The following ME1 variants were observed in gnomAD, a reference collection of about 807,000 sequenced individuals.
ME1 encodes NADP-dependent malic enzyme.
Under a neutral mutation model 66.4 loss-of-function variants are expected in ME1, and 74 were observed. The ratio of observed to expected loss-of-function variants is 1.11; its 90% CI spans 0.92 to 1.35. The LOEUF (loss-of-function observed/expected upper bound fraction) is 1.35. ME1 is among the 40% of genes most tolerant of loss of function. The probability of loss-of-function intolerance (pLI) is 0.00; values close to 1 mark genes in which losing one functional copy is unlikely to be tolerated. For synonymous variants in ME1, 251 were observed against 235.6 expected, an observed-to-expected ratio of 1.07 and a Z score of -0.60; for missense variants, 750 against 694.1, an observed-to-expected ratio of 1.08 and a Z score of -0.90.
chr6:83,351,553 T>C (rs1768803427), intron 4 of ME1, among the ~76,000 whole-genome samples: 1 of 152,128 alleles, frequency 6.6e-6, no homozygotes, highest in Non-Finnish European at 1.5e-5. Flanking sequence ...CCTCAATCAA[T>C]TATTATTATT....
At chr6:83,280,623 T>G (rs1345596087) in intron 6 of ME1, among the ~76,000 whole-genome samples, 1 of 152,238 alleles carries the variant, frequency 6.6e-6, no homozygotes, top group Non-Finnish European at 1.5e-5. Context: ...TTGTCTCCAC[T>G]AACTGCTCCT....
chr6:83,316,997 G>C (rs1768048240), intron 5 of ME1, among the ~76,000 whole-genome samples: 1 of 151,962 alleles, frequency 6.6e-6, no homozygotes, highest in Non-Finnish European at 1.5e-5. Context: ...CAGTAACCTA[G>C]AATAGAGAAA....
chr6:83,424,305 T>C (rs1256763002), intron 1 of ME1, among the ~76,000 whole-genome samples: 1 of 152,100 alleles, frequency 6.6e-6, no homozygotes, highest in Non-Finnish European at 1.5e-5. Flanking sequence ...AAGTTCGGTA[T>C]GTGTATCATA....
intron 6 of ME1, among the ~76,000 whole-genome samples, chr6:83,277,038 T>C (rs977146617): frequency 2.0e-5 from 3 of 152,338 alleles, no homozygotes; most frequent in African/African-American, 7.2e-5. Context: ...CAGACAGCCA[T>C]CTGTATTGAA....
chr6:83,213,197 G>A (rs141235410), intron 13 of ME1, among the ~76,000 whole-genome samples: 8,984 of 151,598 alleles, frequency 0.059, 751 homozygotes, highest in African/African-American at 0.19. Context: ...GGCCGAGGCA[G>A]GTGGATCACC....
At chr6:83,252,967 G>A (rs1361280998) in intron 7 of ME1, among the ~76,000 whole-genome samples, 2 of 152,180 alleles carry the variant, frequency 1.3e-5, no homozygotes, top group Non-Finnish European at 2.9e-5. Flanking sequence ...ATTGGAATTA[G>A]TGAAATGGAA....
chr6:83,408,251 G>C (rs1056264160), intron 1 of ME1, among the ~76,000 whole-genome samples: 1 of 152,278 alleles, frequency 6.6e-6, no homozygotes, highest in African/African-American at 2.4e-5. Context: ...TATTAGAAGA[G>C]ATTTTAAAAT....
At chr6:83,402,456 C>T (rs990545540) in intron 2 of ME1, among the ~76,000 whole-genome samples, 4 of 152,070 alleles carry the variant, frequency 2.6e-5, no homozygotes, top group Admixed American at 2.0e-4. Context: ...TCAAGAAACA[C>T]AATAATAAAC....
intron 3 of ME1, among the ~76,000 whole-genome samples, chr6:83,379,589 G>T (rs1220859389): frequency 6.6e-5 from 10 of 151,876 alleles, no homozygotes; most frequent in Admixed American, 6.6e-4. Flanking sequence ...CTTCATTAAT[G>T]ATATTTATAA....
chr6:83,355,731 T>C (rs887783291), intron 3 of ME1, among the ~76,000 whole-genome samples: 21 of 152,280 alleles, frequency 1.4e-4, no homozygotes, highest in African/African-American at 5.1e-4. Context: ...ACTCATACTT[T>C]CTGGTACACA....
chr6:83,420,806 A>G (rs1770249378), intron 1 of ME1, among the ~76,000 whole-genome samples: 1 of 152,248 alleles, frequency 6.6e-6, no homozygotes, highest in Non-Finnish European at 1.5e-5. Context: ...CTATGTTGAA[A>G]GATAAATCTA....
chr6:83,350,277 G>T (rs1768773465), intron 4 of ME1, among the ~76,000 whole-genome samples: 1 of 152,128 alleles, frequency 6.6e-6, no homozygotes, highest in East Asian at 1.9e-4. Flanking sequence ...CATCAGTAAG[G>T]GCCCAATATT....
In ME1 at chr6:83,430,922, G is replaced by C; in HGVS notation, c.33C>G (p.Thr11=). Residue 11 remains threonine (T), a synonymous_variant, in exon 1 of 14, where the codon ACC becomes ACG. Coordinates refer to ENST00000369705, the MANE Select transcript of ME1 (RefSeq NM_002395.6). Reference sequence around the variant, plus strand: ...GTGTCAGCAGGTAGCCGCGCTGATGGGTGTGGCGGCGACGGGGGGCTTCGG... The same window carrying C: ...GTGTCAGCAGGTAGCCGCGCTGATGCGTGTGGCGGCGACGGGGGGCTTCGG... The part of the protein sequence containing the change: MEPEAPRRRH[T]HQRGYLLTRN... The C allele has an allele frequency of 6.3e-7, 1 of 1,596,104 alleles. No individual in the cohort carries two copies. Among genetic ancestry groups the C allele is most frequent in the South Asian group, 1.1e-5 (1 of 89,224 alleles).
At chr6:83,284,822 C>G (rs948191120) in intron 6 of ME1, among the ~76,000 whole-genome samples, 1 of 152,078 alleles carries the variant, frequency 6.6e-6, no homozygotes, top group Non-Finnish European at 1.5e-5. Flanking sequence ...CCACTCCTAT[C>G]CAACATAGTA....
chr6:83,392,082 A>G (rs926882887), intron 3 of ME1, among the ~76,000 whole-genome samples: 1 of 152,238 alleles, frequency 6.6e-6, no homozygotes, highest in African/African-American at 2.4e-5. Flanking sequence ...ATATAGTAAA[A>G]GCTCTCAAAA....
intron 2 of ME1, among the ~76,000 whole-genome samples, chr6:83,405,680 T>A (rs183290326): frequency 6.6e-6 from 1 of 151,688 alleles, no homozygotes; most frequent in Non-Finnish European, 1.5e-5. Context: ...ATATGTCCCA[T>A]CAGTACCTAG....
intron 2 of ME1, among the ~76,000 whole-genome samples, chr6:83,405,450 A>G (rs1300981762): frequency 2.0e-5 from 3 of 152,310 alleles, no homozygotes; most frequent in South Asian, 2.1e-4. Flanking sequence ...TGTCATCTGC[A>G]AACAGACTAT....
In ME1 at chr6:83,344,606, G is replaced by A. The variant is rs532471467; in HGVS notation, c.600+1567C>T. The stretch of plus-strand genomic sequence containing the variant: ...CTTAAAGAAAATAAAAAAATAGGCC[G>A]GGTACGGTGGCTCACGCCGGTAATC... On this transcript the variant is annotated intron_variant, in intron 5 of 13. Transcript: ENST00000369705. Among the ~76,000 whole-genome samples the A allele has an allele frequency of 2.6e-3, 393 of 152,094 alleles. 1 individual carries two copies. The highest frequency in any genetic ancestry group is 9.1e-3 in the African/African-American group (378 of 41,482).
At chr6:83,422,046 T>C (rs922500122) in intron 1 of ME1, among the ~76,000 whole-genome samples, 2 of 151,998 alleles carry the variant, frequency 1.3e-5, no homozygotes, top group African/African-American at 2.4e-5. Flanking sequence ...GGGGTCCTCA[T>C]GGAAACAAAA....
Sources: gnomAD v4.1 joint callset for allele counts (sites outside exome capture counted in the v4.1 genomes callset) on GRCh38, gnomAD v4.1.1 for gene constraint, MANE v1.5 for transcripts, NCBI Gene and HGNC (gene_info 2026-07-23, HGNC 2026-07-21) for gene names.